ALK: variants seen among roughly 807,000 people sequenced by gnomAD.
The protein encoded by ALK is ALK tyrosine kinase receptor.
Under a neutral mutation model 163.1 loss-of-function variants are expected in ALK, and 74 were observed. The observed-to-expected ratio is 0.45, with a 90% CI of 0.38 to 0.55. The LOEUF (loss-of-function observed/expected upper bound fraction) is 0.55. ALK is among the 20% of genes least tolerant of loss of function. The probability of loss-of-function intolerance (pLI) is 0.00; values close to 1 mark genes in which losing one functional copy is unlikely to be tolerated. For missense variants in ALK, 2,063 were observed against 2,105.3 expected, an observed-to-expected ratio of 0.98 and a Z score of 0.39; for synonymous variants, 960 against 843.2, an observed-to-expected ratio of 1.14 and a Z score of -2.40.
chr2:29,550,070 T>C (rs750708797), intron 3 of ALK, among the ~76,000 whole-genome samples: 1 of 152,228 alleles, frequency 6.6e-6, no homozygotes, highest in Non-Finnish European at 1.5e-5. Flanking sequence ...TCCCTAGGCC[T>C]TGCTGTTCTT....
chr2:29,520,991 C>G (rs2148148488), intron 4 of ALK, among the ~76,000 whole-genome samples: 1 of 152,282 alleles, frequency 6.6e-6, no homozygotes, highest in South Asian at 2.1e-4. Context: ...GATGATCATT[C>G]TAGGACTGCA....
intron 1 of ALK, among the ~76,000 whole-genome samples, chr2:29,737,237 T>C (rs1679917171): frequency 6.6e-6 from 1 of 152,122 alleles, no homozygotes; most frequent in South Asian, 2.1e-4. Flanking sequence ...TGGGAGGCTA[T>C]ACATGAAAAT....
intron 4 of ALK, among the ~76,000 whole-genome samples, chr2:29,437,031 T>G (rs558100502): frequency 7.9e-4 from 121 of 152,300 alleles, no homozygotes; most frequent in Non-Finnish European, 1.3e-3. Context: ...TTTAAGGGAA[T>G]CAAATGGTGT....
At chr2:29,645,831 C>T (rs889764851) in intron 3 of ALK, among the ~76,000 whole-genome samples, 3 of 152,098 alleles carry the variant, frequency 2.0e-5, no homozygotes, top group African/African-American at 7.2e-5. Flanking sequence ...TTTCCTCCTA[C>T]CTCATCATCC....
intron 3 of ALK, among the ~76,000 whole-genome samples, chr2:29,652,704 T>A (rs1677069781): frequency 6.6e-6 from 1 of 152,092 alleles, no homozygotes; most frequent in Admixed American, 6.6e-5. Context: ...ATGTAATCAA[T>A]CACGCTTAGG....
chr2:29,621,727 G>A (rs1002351427), intron 3 of ALK, among the ~76,000 whole-genome samples: 1 of 152,188 alleles, frequency 6.6e-6, no homozygotes, highest in African/African-American at 2.4e-5. Flanking sequence ...TCTTTGGGTT[G>A]AAAGAATATC....
In ALK at chr2:29,920,962, A is replaced by AGCTC. The variant is rs1667985021; in HGVS notation, c.-307_-304dup. 2.1e-6 allele frequency: 1 copy of AGCTC among 485,226 alleles called. No homozygotes were observed. The highest frequency in any genetic ancestry group is 3.5e-5 in the Admixed American group (1 of 28,186). The allele number at this position is 485,226 out of a possible 1,614,324, so 30.1% of individuals were successfully genotyped here. A position where few individuals can be genotyped will look rare whatever the true frequency, so the allele number is the denominator to read the frequency against. ...CGCCGAGTGCCGCGCCCCCGTCTGTAGCTCGCTGCGCTCGGTACAGAGGAA... is the reference window on the plus strand; with the variant it reads ...CGCCGAGTGCCGCGCCCCCGTCTGTAGCTCGCTCGCTGCGCTCGGTACAGAGGAA... On this transcript the variant is annotated 5_prime_UTR_variant, in exon 1 of 29. Coordinates refer to ENST00000389048, the MANE Select transcript of ALK (RefSeq NM_004304.5).
intron 1 of ALK, among the ~76,000 whole-genome samples, chr2:29,803,191 T>C (rs574407062): frequency 9.2e-5 from 14 of 152,276 alleles, no homozygotes; most frequent in African/African-American, 3.4e-4. Context: ...ATTTGGGCAA[T>C]AGTCCACGTA....
intron 3 of ALK, among the ~76,000 whole-genome samples, chr2:29,677,005 G>A (rs1463831718): frequency 6.6e-6 from 1 of 151,690 alleles, no homozygotes; most frequent in Non-Finnish European, 1.5e-5. Context: ...AAATTCATTT[G>A]TTTGTTAAAT....
In ALK at chr2:29,711,962, G is replaced by A. The variant is rs114197546; in HGVS notation, c.787+5616C>T. The stretch of plus-strand genomic sequence containing the variant: ...TTCTCTTATTATATTTTATTCTGAC[G>A]TTTTTTCTTTCTGCATTTCCTTACT... On this transcript the variant is annotated intron_variant, in intron 2 of 28. Coordinates refer to ENST00000389048, the MANE Select transcript of ALK (RefSeq NM_004304.5). Among the ~76,000 whole-genome samples, 709 of 152,150 alleles carry A rather than the reference G, an allele frequency of 4.7e-3. 8 individuals are homozygous for A. Among genetic ancestry groups the A allele is most frequent in the African/African-American group, 0.015 (616 of 41,494 alleles).
chr2:29,859,905 G>A (rs1666236263), intron 1 of ALK, among the ~76,000 whole-genome samples: 1 of 152,176 alleles, frequency 6.6e-6, no homozygotes, highest in Non-Finnish European at 1.5e-5. Context: ...AGTCATAGTA[G>A]ATTTATAAGG....
chr2:29,306,843 A>C (rs1666522394), intron 8 of ALK, among the ~76,000 whole-genome samples: 2 of 152,248 alleles, frequency 1.3e-5, no homozygotes, highest in Non-Finnish European at 2.9e-5. Context: ...TTTTATATGC[A>C]GACAGCAAAT....
chr2:29,549,706 CT>C (rs1049217429), intron 3 of ALK, among the ~76,000 whole-genome samples: 1 of 152,092 alleles, frequency 6.6e-6, no homozygotes, highest in Non-Finnish European at 1.5e-5. Flanking sequence ...AAAATTTAGT[CT>C]CTAAACTGAA....
At chr2:29,222,125 GATT>G (rs1669819721) in intron 22 of ALK, among the ~76,000 whole-genome samples, 2 of 152,204 alleles carry the variant, frequency 1.3e-5, no homozygotes, top group South Asian at 4.1e-4. Flanking sequence ...ACATCGGTGG[GATT>G]ATTAGGCCAC....
intron 5 of ALK, among the ~76,000 whole-genome samples, chr2:29,363,205 C>T (rs1401110901): frequency 6.6e-6 from 1 of 152,214 alleles, no homozygotes; most frequent in East Asian, 1.9e-4. Context: ...CTCTTCTCTT[C>T]TCAGGCAGAG....
At chr2:29,323,892 G>T (rs6731724) in intron 6 of ALK, among the ~76,000 whole-genome samples, 94,030 of 152,094 alleles carry the variant, frequency 0.62, 31,682 homozygotes, top group Non-Finnish European at 0.75. Flanking sequence ...CTGAACAAAA[G>T]GGGAGTGGGC....
Position 29,686,558 on chromosome 2 carries a change from C to T in ALK, c.952+8292G>A, listed in dbSNP as rs148847223. Among the ~76,000 whole-genome samples, 1,289 of 152,318 alleles carry T rather than the reference C, an allele frequency of 8.5e-3. 16 individuals are homozygous for T. Among genetic ancestry groups the T allele is most frequent in the South Asian group, 0.044 (214 of 4,828 alleles). ...AAGATCTTACCTAACAGATGAGGAA[C>T]TCAAGACCCAGAGAGGTAAAGTGAT... On this transcript the variant is annotated intron_variant, in intron 3 of 28. Transcript: ENST00000389048.
At chr2:29,880,682 T>C (rs1285500204) in intron 1 of ALK, among the ~76,000 whole-genome samples, 2 of 152,146 alleles carry the variant, frequency 1.3e-5, no homozygotes, top group East Asian at 1.9e-4. Flanking sequence ...TCTCACAATA[T>C]CTATGTGCTT....
At chr2:29,494,440 T>C (rs1671976362) in intron 4 of ALK, among the ~76,000 whole-genome samples, 1 of 152,068 alleles carries the variant, frequency 6.6e-6, no homozygotes, top group South Asian at 2.1e-4. Flanking sequence ...CCACTCAGTT[T>C]GGGGCTCTGA....
Sources: gnomAD v4.1 joint callset for allele counts (sites outside exome capture counted in the v4.1 genomes callset) on GRCh38, gnomAD v4.1.1 for gene constraint, MANE v1.5 for transcripts, NCBI Gene and HGNC (gene_info 2026-07-23, HGNC 2026-07-21) for gene names.